Variants in NCOA2 observed in about 807,000 individuals in gnomAD.
NCOA2 encodes the protein class E basic helix-loop-helix protein 75.
NCOA2 carries 21 observed loss-of-function variants against 145.1 expected under a neutral mutation model. The observed-to-expected ratio is 0.14, with a 90% CI of 0.10 to 0.21. NCOA2 has a LOEUF of 0.21. Among genes scored for constraint, NCOA2 ranks in the 10% least tolerant of loss-of-function variants. The probability of loss-of-function intolerance (pLI) is 1.00; values close to 1 mark genes in which losing one functional copy is unlikely to be tolerated. For missense variants in NCOA2, 1,472 were observed against 1,837.6 expected (o/e 0.80, Z 3.64); for synonymous variants, 619 against 637.5 (o/e 0.97, Z 0.44).
chr8:70,297,483 G>A (rs1249786133), intron 1 of NCOA2, among the ~76,000 whole-genome samples: 1 of 152,034 alleles, frequency 6.6e-6, no homozygotes, highest in East Asian at 1.9e-4. Flanking sequence ...ACAGGCATGC[G>A]CCACCACACC....
rs140714530 is a variant in NCOA2 at position 70,246,029 on chromosome 8, C to A, written c.-19-29265G>T. ...AATTTGTCCCAAGAAGAAAAATATT[C>A]CCATGGCCAAAGCATCTTAAAAAAT... is the stretch of plus-strand genomic sequence containing the variant. On this transcript the variant is annotated intron_variant, in intron 2 of 22. Coordinates refer to ENST00000452400, the MANE Select transcript of NCOA2 (RefSeq NM_006540.4). Among the ~76,000 whole-genome samples, 808 of 152,198 alleles carry A rather than the reference C, an allele frequency of 5.3e-3. 8 individuals carry two copies. The highest frequency in any genetic ancestry group is 8.0e-3 in the Non-Finnish European group (543 of 67,992).
rs115199825 is a variant in NCOA2, at chr8:70,255,216, G to A, written c.-19-38452C>T. 9.4e-3 allele frequency among the ~76,000 whole-genome samples: 1,435 copies of A among 152,234 alleles called. 23 individuals carry two copies. Among genetic ancestry groups the A allele is most frequent in the African/African-American group, 0.032 (1,337 of 41,528 alleles). ...CGAGTCTGTCACAACCACCTGTTGT[G>A]TGCCCAAGGTTTCAAGCAACTCATG... On this transcript the variant is annotated intron_variant, in intron 2 of 22. Transcript: ENST00000452400.
chr8:70,124,930 G>C (rs187130439), intron 19 of NCOA2, 65 bp from the exon 20 acceptor site: 233 of 1,416,052 alleles, frequency 1.6e-4, no homozygotes, highest in Middle Eastern at 3.7e-4. Flanking sequence ...GAGACTGGTG[G>C]GGGGGAAAGA....
At chr8:70,361,241 C>A (rs1188413595) in intron 1 of NCOA2, among the ~76,000 whole-genome samples, 1 of 151,782 alleles carries the variant, frequency 6.6e-6, no homozygotes, top group Non-Finnish European at 1.5e-5. Context: ...GAGGGCCCAG[C>A]GCAGTGACTC....
At chr8:70,364,346 CA>C (rs1836272592) in intron 1 of NCOA2, among the ~76,000 whole-genome samples, 1 of 151,842 alleles carries the variant, frequency 6.6e-6, no homozygotes, top group Non-Finnish European at 1.5e-5. Flanking sequence ...AAGGTGTATG[CA>C]AAAAGCATTA....
the NCOA2 span, among the ~76,000 whole-genome samples, chr8:70,420,422 C>T: frequency 6.6e-6 from 1 of 152,180 alleles, no homozygotes; most frequent in Non-Finnish European, 1.5e-5. Flanking sequence ...AGTCCCCCAA[C>T]CCCAGGTGAG....
the NCOA2 span, among the ~76,000 whole-genome samples, chr8:70,453,036 A>C: frequency 2.6e-5 from 4 of 152,244 alleles, no homozygotes; most frequent in Admixed American, 6.5e-5. Context: ...AATTCTAAAG[A>C]TTCTCTTGAA....
In NCOA2 at chr8:70,241,984, C is replaced by T. The variant is rs117695078; in HGVS notation, c.-19-25220G>A. ...AAAAATGGACATTTTCACATTAAAA[C>T]ATGAAAGCAAAATTTGGAAAAACCA... is the stretch of plus-strand genomic sequence containing the variant. On this transcript the variant is annotated intron_variant, in intron 2 of 22. Coordinates refer to ENST00000452400, the MANE Select transcript of NCOA2 (RefSeq NM_006540.4). Among the ~76,000 whole-genome samples the T allele has an allele frequency of 1.4e-3, 207 of 152,038 alleles. 7 individuals carry two copies. The East Asian group carries it at 0.038, about 28-fold the overall frequency.
At chr8:70,324,934 G>A (rs953808315) in intron 1 of NCOA2, among the ~76,000 whole-genome samples, 1 of 152,176 alleles carries the variant, frequency 6.6e-6, no homozygotes, top group Non-Finnish European at 1.5e-5. Context: ...AAGAGAGGAA[G>A]AAATATTCAC....
chr8:70,230,837 G>A (rs1821068597), intron 2 of NCOA2, among the ~76,000 whole-genome samples: 1 of 151,956 alleles, frequency 6.6e-6, no homozygotes, highest in African/African-American at 2.4e-5. Flanking sequence ...TAAAATGTAA[G>A]TGTGTATACA....
chr8:70,445,271 C>G, the NCOA2 span, among the ~76,000 whole-genome samples: 2 of 152,200 alleles, frequency 1.3e-5, no homozygotes, highest in African/African-American at 4.8e-5. Flanking sequence ...TACAGCCTCA[C>G]AGCAAAGTCA....
At chr8:70,305,032 A>ATATT (rs1827784236) in intron 1 of NCOA2, among the ~76,000 whole-genome samples, 1 of 145,544 alleles carries the variant, frequency 6.9e-6, no homozygotes, top group Non-Finnish European at 1.5e-5. Context: ...GCTGATTTTC[A>ATATT]TATTTATTTA....
intron 2 of NCOA2, among the ~76,000 whole-genome samples, chr8:70,236,699 C>T (rs1443830782): frequency 2.0e-5 from 3 of 151,992 alleles, no homozygotes; most frequent in East Asian, 3.8e-4. Context: ...AAAAGTAATA[C>T]AAATAAAAAA....
upstream of NCOA2, among the ~76,000 whole-genome samples, chr8:70,405,592 G>A (rs1380439081): frequency 6.6e-6 from 1 of 150,872 alleles, no homozygotes; most frequent in Non-Finnish European, 1.5e-5. Context: ...GTCACCTGAG[G>A]TTTGTCACAA....
At position 70,309,216 on chromosome 8, in the gene NCOA2, G is replaced by C. The variant is rs1828115167; in HGVS notation, c.-76-12416C>G. On this transcript the variant is annotated intron_variant, in intron 1 of 22. Transcript: ENST00000452400. The stretch of plus-strand genomic sequence containing the variant: ...CCTGGTCTTCCCAACTAAGACTCCA[G>C]ATACAGAAGAGACAAACCATCCCTA... Among the ~76,000 whole-genome samples the C allele has an allele frequency of 2.0e-5, 3 of 152,080 alleles. No homozygotes were observed. In the South Asian group the frequency reaches 6.2e-4, roughly 31 times the overall value.
chr8:70,163,433 T>C lies in NCOA2; in HGVS notation c.832+32A>G. ...CAAATATGTAAGTATTCTAAAATGATTCCTTTGGTCTTCTTTGGAGAGGAA... is the reference window on the plus strand; with the variant it reads ...CAAATATGTAAGTATTCTAAAATGACTCCTTTGGTCTTCTTTGGAGAGGAA... On this transcript the variant is annotated intron_variant, in intron 8 of 22. Coordinates refer to ENST00000452400, the MANE Select transcript of NCOA2 (RefSeq NM_006540.4). 5 of 1,489,574 alleles carry C rather than the reference T, an allele frequency of 3.4e-6. No individual in the cohort carries two copies. In the South Asian group the frequency reaches 3.4e-5, roughly 10 times the overall value. The allele number at this position is 1,489,574 out of a possible 1,614,324, so 92.3% of individuals were successfully genotyped here.
chr8:70,136,894 T>A (rs756939780), intron 15 of NCOA2, among the ~76,000 whole-genome samples: 3 of 152,208 alleles, frequency 2.0e-5, no homozygotes, highest in Non-Finnish European at 2.9e-5. Flanking sequence ...AATAAAAATG[T>A]GAGAGTGGCT....
rs562862799 is a variant in NCOA2, at chr8:70,258,820, A to C, written c.-20+37924T>G. 2.0e-5 allele frequency among the ~76,000 whole-genome samples: 3 copies of C among 152,352 alleles called. 1 individual carries two copies. In the South Asian group the frequency reaches 6.2e-4, roughly 32 times the overall value. On this transcript the variant is annotated intron_variant, in intron 2 of 22. Coordinates refer to ENST00000452400, the MANE Select transcript of NCOA2 (RefSeq NM_006540.4). Reference sequence around the variant, plus strand: ...TACAGTACTGATTTGAGGATTAAACATGATTATATTAACCATCTAACATAG... The same window carrying C: ...TACAGTACTGATTTGAGGATTAAACCTGATTATATTAACCATCTAACATAG...
Position 70,207,862 on chromosome 8 carries a change from CAAAA to C in NCOA2, c.259+6037_259+6040del, listed in dbSNP as rs754670876. On this transcript the variant is annotated intron_variant, in intron 4 of 22. Transcript: ENST00000452400. ...TGGGTGACAGAGCCTGACTCCACCT[CAAAA>C]AAAAAAAAAAAAAAAAAAAAGAAGA... 1.2e-3 allele frequency among the ~76,000 whole-genome samples: 44 copies of C among 36,182 alleles called. No homozygotes were observed. In the South Asian group the frequency reaches 0.012, roughly 10 times the overall value. 23.7% of individuals were successfully genotyped at this position (36,182 alleles called of 152,430 possible). A position where few individuals can be genotyped will look rare whatever the true frequency, so the allele number is the denominator to read the frequency against.
Sources: allele counts gnomAD v4.1 joint callset (sites outside exome capture counted in the v4.1 genomes callset), GRCh38; gene constraint gnomAD v4.1.1; transcripts MANE v1.5; gene names NCBI Gene and HGNC (gene_info 2026-07-23, HGNC 2026-07-21).